Variants in ABLIM3 observed in about 807,000 individuals in gnomAD.
ABLIM3 encodes the protein actin-binding LIM protein 3.
In ABLIM3, 61 loss-of-function variants were observed where a neutral mutation model predicts 109.5. The observed-to-expected ratio is 0.56, with a 90% CI of 0.45 to 0.69. The LOEUF (loss-of-function observed/expected upper bound fraction) is 0.69. Ranked by LOEUF, ABLIM3 falls within the 30% of genes least tolerant of loss-of-function variation. The pLI, the probability that ABLIM3 is intolerant of heterozygous loss-of-function variation, is 0.00. For missense variants in ABLIM3, 796 were observed against 889.5 expected (o/e 0.89, Z 1.34); for synonymous variants, 300 against 324.8 (o/e 0.92, Z 0.82).
chr5:149,226,824 AC>A (rs572866300), intron 8 of ABLIM3, among the ~76,000 whole-genome samples: 193 of 152,128 alleles, frequency 1.3e-3, no homozygotes, highest in Non-Finnish European at 2.3e-3. Context: ...TAATCCCAGC[AC>A]TTTGGGAGGC....
chr5:149,179,841 G>A (rs1158551126), intron 2 of ABLIM3, among the ~76,000 whole-genome samples: 1 of 152,128 alleles, frequency 6.6e-6, no homozygotes, highest in Non-Finnish European at 1.5e-5. Context: ...CATTTCAAGT[G>A]CCCAGTGGTC....
rs376014570 is a variant in ABLIM3, at chr5:149,153,503, G to A, written c.13+11395G>A. ...TCAGAAAGAGGCAACTGAGCAGTAC[G>A]GCCTACAGGAAAAAATGTGATTTCA... On this transcript the variant is annotated intron_variant, in intron 2 of 23. Coordinates refer to ENST00000309868, the MANE Select transcript of ABLIM3 (RefSeq NM_014945.5). Among the ~76,000 whole-genome samples the A allele has an allele frequency of 5.9e-5, 9 of 152,304 alleles. 1 individual carries two copies. The highest frequency in any genetic ancestry group is 1.9e-4 in the African/African-American group (8 of 41,570).
At chr5:149,191,329 A>G (rs769094382) in intron 3 of ABLIM3, among the ~76,000 whole-genome samples, 1 of 152,210 alleles carries the variant, frequency 6.6e-6, no homozygotes, top group Non-Finnish European at 1.5e-5. Flanking sequence ...AAACTTAGAT[A>G]ACAAAATTTA....
intron 5 of ABLIM3, among the ~76,000 whole-genome samples, chr5:149,202,975 G>T (rs1005444701): frequency 6.6e-6 from 1 of 151,362 alleles, no homozygotes; most frequent in African/African-American, 2.4e-5. Context: ...CACCACCACC[G>T]CCATCACCAT....
intron 8 of ABLIM3, among the ~76,000 whole-genome samples, chr5:149,225,711 GC>G (rs962795171): frequency 2.6e-5 from 4 of 151,896 alleles, no homozygotes; most frequent in African/African-American, 9.7e-5. Context: ...CCCTTTCCCA[GC>G]CTTTCCCCCT....
At chr5:149,230,732 C>T in intron 9 of ABLIM3, 25 bp downstream of exon 9, 1 of 1,613,276 alleles carries the variant, frequency 6.2e-7, no homozygotes, top group Non-Finnish European at 8.5e-7. Context: ...AGATTCCAGA[C>T]CAGCACTCCT....
At chr5:149,216,117 C>T (rs1322066985) in intron 7 of ABLIM3, among the ~76,000 whole-genome samples, 1 of 152,166 alleles carries the variant, frequency 6.6e-6, no homozygotes, top group Non-Finnish European at 1.5e-5. Context: ...AGTCACAGGA[C>T]TGGCCTGGGG....
At chr5:149,242,595 T>C in intron 15 of ABLIM3, 57 bp downstream of exon 15, 7 of 1,585,676 alleles carry the variant, frequency 4.4e-6, no homozygotes, top group Non-Finnish European at 6.1e-6. Flanking sequence ...AGGTTAACCA[T>C]CTATGCAGAT....
chr5:149,210,959 T>C, intron 7 of ABLIM3, 140 bp downstream of exon 7: 1 of 748,092 alleles, frequency 1.3e-6, no homozygotes, highest in East Asian at 2.6e-5. Context: ...CTACATGACC[T>C]TGAGCAGATA....
intron 8 of ABLIM3, 142 bp from the exon 9 acceptor site, chr5:149,230,506 AG>A (rs1464387727): frequency 2.6e-6 from 2 of 783,500 alleles, no homozygotes; most frequent in African/African-American, 3.4e-5. Context: ...AGGTGCCAGG[AG>A]GGAGCTGGGA....
intron 2 of ABLIM3, among the ~76,000 whole-genome samples, chr5:149,154,498 T>A (rs1291463118): frequency 2.0e-5 from 3 of 152,208 alleles, no homozygotes; most frequent in Non-Finnish European, 4.4e-5. Context: ...CAGACTAATG[T>A]TTTCTCCTCC....
chr5:149,178,770 T>C (rs6888792), intron 2 of ABLIM3, among the ~76,000 whole-genome samples: 3,963 of 152,264 alleles, frequency 0.026, 149 homozygotes, highest in African/African-American at 0.088. Context: ...TGAGACCAGT[T>C]ACTGGAGAGG....
chr5:149,212,482 G>A (rs1759664934), intron 7 of ABLIM3, among the ~76,000 whole-genome samples: 1 of 152,146 alleles, frequency 6.6e-6, no homozygotes, highest in Non-Finnish European at 1.5e-5. Flanking sequence ...TACATTTGAA[G>A]GAAGGAAGCT....
At chr5:149,191,596 A>G (rs1264843044) in intron 3 of ABLIM3, among the ~76,000 whole-genome samples, 1 of 140,478 alleles carries the variant, frequency 7.1e-6, no homozygotes, top group African/African-American at 2.9e-5. Context: ...AACAAGGAAA[A>G]ATAATCATAT....
At position 149,156,015 on chromosome 5, in the gene ABLIM3, A is replaced by G. The variant is rs549034204; in HGVS notation, c.13+13907A>G. On this transcript the variant is annotated intron_variant, in intron 2 of 23. Coordinates refer to ENST00000309868, the MANE Select transcript of ABLIM3 (RefSeq NM_014945.5). ...CCTGGAGGCAGTGAGAGGCAGACCT[A>G]GTGCAGCAATGCAGTTGTGAGTGGA... Among the ~76,000 whole-genome samples, 3 of 152,370 alleles carry G rather than the reference A, an allele frequency of 2.0e-5. No individual in the cohort carries two copies. In the East Asian group the frequency reaches 5.8e-4, roughly 29 times the overall value.
chr5:149,169,085 A>ACC (rs149804104), intron 2 of ABLIM3, among the ~76,000 whole-genome samples: 2 of 132,416 alleles, frequency 1.5e-5, no homozygotes, highest in East Asian at 2.7e-4. Flanking sequence ...TTGCTGTAGG[A>ACC]CCCCCCCACC....
intron 1 of ABLIM3, 106 bp from the exon 2 acceptor site, chr5:149,141,903 C>T (rs575888390): frequency 2.6e-6 from 2 of 775,808 alleles, no homozygotes; most frequent in East Asian, 5.0e-5. Context: ...TTAGTCCACG[C>T]GCCTTCAAGG....
intron 2 of ABLIM3, among the ~76,000 whole-genome samples, chr5:149,167,836 G>T (rs963309079): frequency 1.3e-5 from 2 of 152,184 alleles, no homozygotes; most frequent in Admixed American, 6.5e-5. Context: ...GGGAACCAAT[G>T]AAAGTAGGGT....
intron 3 of ABLIM3, among the ~76,000 whole-genome samples, chr5:149,187,467 G>T (rs745825035): frequency 6.6e-6 from 1 of 152,176 alleles, no homozygotes; most frequent in Non-Finnish European, 1.5e-5. Context: ...GTCAAGGAAA[G>T]ATTATGTATT....
Sources: allele counts gnomAD v4.1 joint callset (sites outside exome capture counted in the v4.1 genomes callset), GRCh38; gene constraint gnomAD v4.1.1; transcripts MANE v1.5; gene names NCBI Gene and HGNC (gene_info 2026-07-23, HGNC 2026-07-21).